FAF1: variants seen among roughly 807,000 people sequenced by gnomAD.
FAF1 encodes FAS-associated factor 1.
In FAF1, 25 loss-of-function variants were observed where a neutral mutation model predicts 92.5. The ratio of observed to expected loss-of-function variants is 0.27; its 90% CI spans 0.20 to 0.38. FAF1 has a LOEUF of 0.38. FAF1 is among the 10% of genes least tolerant of loss of function. FAF1 has a pLI of 1.00. For synonymous variants in FAF1, 234 were observed against 273.2 expected (o/e 0.86, Z 1.42); for missense variants, 636 against 793.3 (o/e 0.80, Z 2.38).
intron 2 of FAF1, among the ~76,000 whole-genome samples, chr1:50,855,683 G>A (rs1234541850): frequency 6.6e-6 from 1 of 151,788 alleles, no homozygotes; most frequent in Admixed American, 6.6e-5. Flanking sequence ...AGTGAATGCT[G>A]CATGAAAACA....
chr1:50,736,007 C>T (rs114889462), intron 6 of FAF1, among the ~76,000 whole-genome samples: 1,976 of 152,230 alleles, frequency 0.013, 42 homozygotes, highest in African/African-American at 0.043. Flanking sequence ...GCATAAGCTA[C>T]GGTGCCCGGC....
chr1:50,608,897 T>C (rs1306326740), intron 8 of FAF1, among the ~76,000 whole-genome samples: 1 of 152,196 alleles, frequency 6.6e-6, no homozygotes, highest in Non-Finnish European at 1.5e-5. Flanking sequence ...TTTCCACCTC[T>C]GTAAAGTCTT....
intron 3 of FAF1, among the ~76,000 whole-genome samples, chr1:50,797,161 G>A (rs1661784561): frequency 1.3e-5 from 2 of 151,944 alleles, no homozygotes; most frequent in Non-Finnish European, 2.9e-5. Context: ...AAAAAAATGA[G>A]AGGAAGAGAG....
intron 6 of FAF1, among the ~76,000 whole-genome samples, chr1:50,707,552 A>T (rs1657733296): frequency 6.6e-6 from 1 of 151,492 alleles, no homozygotes; most frequent in South Asian, 2.1e-4. Context: ...ACAAAAAAAA[A>T]TTAGCTGGGC....
chr1:50,575,550 C>T (rs1411446924), intron 12 of FAF1, among the ~76,000 whole-genome samples: 1 of 151,940 alleles, frequency 6.6e-6, no homozygotes, highest in Non-Finnish European at 1.5e-5. Flanking sequence ...ACTTAAAATG[C>T]ATCTGTATTT....
intron 13 of FAF1, among the ~76,000 whole-genome samples, chr1:50,556,170 G>A (rs1416513537): frequency 1.5e-4 from 22 of 149,402 alleles, no homozygotes; most frequent in South Asian, 8.5e-4. Context: ...CCCAGGAGGC[G>A]GAGCTTGCAG....
chr1:50,539,517 G>T, intron 14 of FAF1, 75 bp downstream of exon 14: 1 of 1,006,164 alleles, frequency 9.9e-7, no homozygotes, highest in Non-Finnish European at 1.4e-6. Flanking sequence ...TAGAAATATT[G>T]TCAGCTTGGG....
intron 7 of FAF1, among the ~76,000 whole-genome samples, chr1:50,665,833 A>G (rs1012563197): frequency 1.3e-5 from 2 of 152,170 alleles, no homozygotes; most frequent in Non-Finnish European, 2.9e-5. Flanking sequence ...TGTTTAAGTT[A>G]TGTCTGTATA....
intron 8 of FAF1, among the ~76,000 whole-genome samples, chr1:50,598,966 G>A (rs111305017): frequency 0.02 from 3,017 of 151,132 alleles, 97 homozygotes; most frequent in African/African-American, 0.07. Context: ...GTGAAACTCC[G>A]TCTCAAAAAA....
intron 1 of FAF1, among the ~76,000 whole-genome samples, chr1:50,931,850 G>A (rs1317858692): frequency 1.3e-5 from 2 of 149,482 alleles, no homozygotes; most frequent in East Asian, 2.0e-4. Context: ...CTCCAGCCTG[G>A]GTGACAGAGC....
At chr1:50,589,271 C>T (rs969238765) in intron 9 of FAF1, among the ~76,000 whole-genome samples, 14 of 152,080 alleles carry the variant, frequency 9.2e-5, no homozygotes, top group African/African-American at 2.9e-4. Context: ...GGCCAAAGAA[C>T]CCACAGGGGC....
intron 15 of FAF1, among the ~76,000 whole-genome samples, chr1:50,512,965 C>T (rs1313150212): frequency 2.0e-5 from 3 of 152,154 alleles, no homozygotes; most frequent in African/African-American, 7.2e-5. Flanking sequence ...GGTAATCACA[C>T]TCTAAGTGCA....
At chr1:50,890,350 A>G (rs572773272) in intron 1 of FAF1, among the ~76,000 whole-genome samples, 1 of 152,288 alleles carries the variant, frequency 6.6e-6, no homozygotes, top group South Asian at 2.1e-4. Context: ...TGGAGCATTT[A>G]GCCCATTTAC....
At chr1:50,871,693 G>A (rs1224804049) in intron 1 of FAF1, among the ~76,000 whole-genome samples, 1 of 152,192 alleles carries the variant, frequency 6.6e-6, no homozygotes, top group Non-Finnish European at 1.5e-5. Flanking sequence ...CATTGACAAT[G>A]CACTTGGTTA....
chr1:50,774,898 T>C (rs1277086542), intron 4 of FAF1, among the ~76,000 whole-genome samples: 1 of 152,102 alleles, frequency 6.6e-6, no homozygotes, highest in Non-Finnish European at 1.5e-5. Context: ...GTTTTGGGTA[T>C]TGAAATGAAA....
chr1:50,739,850 T>C (rs559980970), intron 5 of FAF1, among the ~76,000 whole-genome samples: 1 of 152,276 alleles, frequency 6.6e-6, no homozygotes, highest in South Asian at 2.1e-4. Flanking sequence ...TGACCTACTA[T>C]CTTGATAAGC....
intron 16 of FAF1, 118 bp from the exon 17 acceptor site, chr1:50,490,783 C>A: frequency 1.4e-6 from 1 of 723,158 alleles, no homozygotes; most frequent in Admixed American, 2.2e-5. Flanking sequence ...CATTCAAAGG[C>A]TCATTGTCAA....
At chr1:50,546,444 C>A (rs763279485) in intron 13 of FAF1, among the ~76,000 whole-genome samples, 2 of 152,168 alleles carry the variant, frequency 1.3e-5, no homozygotes, top group Non-Finnish European at 2.9e-5. Context: ...CAGCTCACTG[C>A]AACCTTTGCC....
At chr1:50,516,658 T>C (rs1647232143) in intron 15 of FAF1, among the ~76,000 whole-genome samples, 1 of 152,172 alleles carries the variant, frequency 6.6e-6, no homozygotes, top group Non-Finnish European at 1.5e-5. Flanking sequence ...AAATGCAAAA[T>C]GGCTCTCAAG....
Sources: allele counts gnomAD v4.1 joint callset (sites outside exome capture counted in the v4.1 genomes callset), GRCh38; gene constraint gnomAD v4.1.1; transcripts MANE v1.5; gene names NCBI Gene and HGNC (gene_info 2026-07-23, HGNC 2026-07-21).